The following FBXL2 variants were observed in gnomAD, a reference collection of about 807,000 sequenced individuals.
FBXL2 encodes F-box/LRR-repeat protein 2.
FBXL2 carries 38 observed loss-of-function variants against 69.2 expected under a neutral mutation model. The observed-to-expected ratio is 0.55, with a 90% CI of 0.42 to 0.72. FBXL2 has a LOEUF of 0.72. Ranked by LOEUF, FBXL2 falls within the 30% of genes least tolerant of loss-of-function variation. FBXL2 has a pLI of 0.00. For synonymous variants in FBXL2, 192 were observed against 201.3 expected (o/e 0.95, Z 0.39); for missense variants, 354 against 520.3 (o/e 0.68, Z 3.11).
chr3:33,324,356 T>C (rs541904511), intron 2 of FBXL2, among the ~76,000 whole-genome samples: 39 of 152,254 alleles, frequency 2.6e-4, no homozygotes, highest in African/African-American at 9.4e-4. Flanking sequence ...CTTTTGGTGT[T>C]TTAGTCATGA....
rs2043506976 is a variant in FBXL2, at chr3:33,387,262, C to T, written c.*1654C>T. On this transcript the variant is annotated 3_prime_UTR_variant, in exon 15 of 15. Transcript: ENST00000484457. ...GCAACTTCAATAAATGAGCATATAA[C>T]AGACTTGCTTCAGTGATTATGAATT... The T allele has an allele frequency of 6.6e-6, 1 of 152,140 alleles. No homozygotes were observed. The highest frequency in any genetic ancestry group is 2.4e-5 in the African/African-American group (1 of 41,414). The allele number at this position is 152,140 out of a possible 1,614,324, so 9.4% of individuals were successfully genotyped here.
At chr3:33,281,000 C>T (rs942057661) in intron 1 of FBXL2, among the ~76,000 whole-genome samples, 1 of 152,150 alleles carries the variant, frequency 6.6e-6, no homozygotes, top group Non-Finnish European at 1.5e-5. Context: ...ATGGAGGGAA[C>T]ACTGCAAAAA....
chr3:33,362,213 C>G (rs1164727233), intron 4 of FBXL2, among the ~76,000 whole-genome samples: 1 of 152,074 alleles, frequency 6.6e-6, no homozygotes, highest in African/African-American at 2.4e-5. Flanking sequence ...GTGTAGTTTA[C>G]CTGAAGTTTG....
chr3:33,308,641 G>A lies in FBXL2; in HGVS notation c.65+10916G>A, dbSNP rs1381961314. On this transcript the variant is annotated intron_variant, in intron 2 of 14. Coordinates refer to ENST00000484457, the MANE Select transcript of FBXL2 (RefSeq NM_012157.5). ...GTCATCAACATGAGTACTAAAAACA[G>A]GCAATAATTTTTCTTCTTCCTATTT... 2.0e-5 allele frequency among the ~76,000 whole-genome samples: 3 copies of A among 152,052 alleles called. No individual in the cohort carries two copies. The East Asian group carries it at 5.8e-4, about 29-fold the overall frequency.
chr3:33,347,788 T>G (rs1001677305), intron 2 of FBXL2, among the ~76,000 whole-genome samples: 3 of 152,174 alleles, frequency 2.0e-5, no homozygotes, highest in African/African-American at 7.2e-5. Flanking sequence ...TGAGCACCGT[T>G]TCATATACCT....
chr3:33,335,351 TA>T (rs1359233243), intron 2 of FBXL2, among the ~76,000 whole-genome samples: 9 of 152,152 alleles, frequency 5.9e-5, no homozygotes, highest in African/African-American at 2.2e-4. Flanking sequence ...AAGTATGTGA[TA>T]AATATGAAAT....
chr3:33,385,355 CAGG>C, intron 14 of FBXL2, 143 bp from the exon 15 acceptor site: 1 of 766,004 alleles, frequency 1.3e-6, no homozygotes, highest in South Asian at 1.5e-5. Flanking sequence ...CGGGGAGTAA[CAGG>C]AGTAGCTCTA....
At chr3:33,358,919 G>A in intron 2 of FBXL2, 48 bp from the exon 3 acceptor site, 1 of 1,216,302 alleles carries the variant, frequency 8.2e-7, no homozygotes, top group Non-Finnish European at 1.1e-6. Flanking sequence ...TAATTATCCT[G>A]AAATGTTAAC....
intron 1 of FBXL2, among the ~76,000 whole-genome samples, chr3:33,296,995 A>G (rs2035808017): frequency 6.6e-6 from 1 of 152,206 alleles, no homozygotes. Context: ...CGTTGCTAAC[A>G]TAACACTAGT....
intron 1 of FBXL2, among the ~76,000 whole-genome samples, chr3:33,285,107 C>T (rs7614030): frequency 0.026 from 4,007 of 152,186 alleles, 83 homozygotes; most frequent in Admixed American, 0.058. Flanking sequence ...TTATTTTGCT[C>T]GTTCGTTGAT....
At chr3:33,398,587 G>C (rs1248107655) in intron 12 of FBXL2, 1 of 152,300 alleles carries the variant, frequency 6.6e-6, no homozygotes, top group African/African-American at 2.4e-5. Context: ...GCTACTGTCA[G>C]TGCTGTGACT....
At chr3:33,328,802 TGTG>T (rs1009630048) in intron 2 of FBXL2, among the ~76,000 whole-genome samples, 11 of 43,520 alleles carry the variant, frequency 2.5e-4, no homozygotes, top group African/African-American at 1.7e-4. Context: ...TGTGTGTGCA[TGTG>T]TGTGTGTGTG....
intron 2 of FBXL2, among the ~76,000 whole-genome samples, chr3:33,306,505 T>A (rs2036731302): frequency 6.6e-6 from 1 of 152,168 alleles, no homozygotes; most frequent in Admixed American, 6.5e-5. Context: ...ACATTACAGC[T>A]AGTCTTGCCC....
At chr3:33,351,548 T>G (rs887887376) in intron 2 of FBXL2, among the ~76,000 whole-genome samples, 1 of 152,182 alleles carries the variant, frequency 6.6e-6, no homozygotes, top group Non-Finnish European at 1.5e-5. Context: ...TGAAGAGATA[T>G]TACATATTCA....
At position 33,295,078 on chromosome 3, in the gene FBXL2, G is replaced by GT. The variant is rs139636802; in HGVS notation, c.4-2579dup. Among the ~76,000 whole-genome samples, 1,068 of 152,004 alleles carry GT rather than the reference G, an allele frequency of 7.0e-3. 13 individuals are homozygous for GT. Among genetic ancestry groups the GT allele is most frequent in the African/African-American group, 0.023 (972 of 41,474 alleles). ...CTTCTGCAGTTTGTTTTGGTGGATT[G>GT]TTTTTTTAATCCAGGTTTTAAAAAT... On this transcript the variant is annotated intron_variant, in intron 1 of 14. Coordinates refer to ENST00000484457, the MANE Select transcript of FBXL2 (RefSeq NM_012157.5).
At chr3:33,281,340 T>C (rs544955076) in intron 1 of FBXL2, among the ~76,000 whole-genome samples, 28 of 152,356 alleles carry the variant, frequency 1.8e-4, no homozygotes, top group African/African-American at 6.5e-4. Flanking sequence ...TGATGGTTTC[T>C]GGCTTCATCC....
rs71070130 is a variant in FBXL2 at position 33,342,711 on chromosome 3, C to CTTTTTTTTTTTTTTTTTTTTTTTTT, written c.66-16248_66-16224dup. Among the ~76,000 whole-genome samples, 2 of 37,912 alleles carry CTTTTTTTTTTTTTTTTTTTTTTTTT rather than the reference C, an allele frequency of 5.3e-5. 1 individual carries two copies. The highest frequency in any genetic ancestry group is 9.1e-5 in the Non-Finnish European group (2 of 22,032). The allele number at this position is 37,912 out of a possible 152,430, so 24.9% of individuals were successfully genotyped here. Reference sequence around the variant, plus strand: ...GATTCTTGCAAAACAAATATAACTTCTTTTTTTTTTTTTTTTTTTTTTTTT... The same window carrying CTTTTTTTTTTTTTTTTTTTTTTTTT: ...GATTCTTGCAAAACAAATATAACTTCTTTTTTTTTTTTTTTTTTTTTTTTTTTTTTTTTTTTTTTTTTTTTTTTTT... On this transcript the variant is annotated intron_variant, in intron 2 of 14. Coordinates refer to ENST00000484457, the MANE Select transcript of FBXL2 (RefSeq NM_012157.5).
chr3:33,353,597 A>G (rs1486858341), intron 2 of FBXL2, among the ~76,000 whole-genome samples: 1 of 152,216 alleles, frequency 6.6e-6, no homozygotes, highest in Non-Finnish European at 1.5e-5. Flanking sequence ...GACATTAGAA[A>G]GATCAGTGGG....
Position 33,385,867 on chromosome 3 carries a change from C to G in FBXL2, c.*259C>G, listed in dbSNP as rs2043397801. On this transcript the variant is annotated 3_prime_UTR_variant, in exon 15 of 15. Transcript: ENST00000484457. ...AATGCAGCTAGGACCATGCCAGAAACCTGGATCTCTTAAGAGATTGGTACC... is the reference window on the plus strand; with the variant it reads ...AATGCAGCTAGGACCATGCCAGAAAGCTGGATCTCTTAAGAGATTGGTACC... The G allele has an allele frequency of 2.0e-6, 1 of 493,798 alleles. No individual in the cohort carries two copies. The highest frequency in any genetic ancestry group is 1.9e-5 in the African/African-American group (1 of 51,562). The allele number at this position is 493,798 out of a possible 1,614,324, so 30.6% of individuals were successfully genotyped here.
Sources: allele counts gnomAD v4.1 joint callset (sites outside exome capture counted in the v4.1 genomes callset), GRCh38; gene constraint gnomAD v4.1.1; transcripts MANE v1.5; gene names NCBI Gene and HGNC (gene_info 2026-07-23, HGNC 2026-07-21).